The following SLC4A4 variants were observed in gnomAD, a reference collection of about 807,000 sequenced individuals.
SLC4A4 encodes the protein electrogenic sodium bicarbonate cotransporter 1.
Under a neutral mutation model 111.5 loss-of-function variants are expected in SLC4A4, and 27 were observed. The ratio of observed to expected loss-of-function variants is 0.24; its 90% CI spans 0.18 to 0.33. SLC4A4 has a LOEUF of 0.33. Among genes scored for constraint, SLC4A4 ranks in the 10% least tolerant of loss-of-function variants. The pLI is 1.00. For missense variants in SLC4A4, 909 were observed against 1,315.5 expected (o/e 0.69, Z 4.78); for synonymous variants, 443 against 463.4 (o/e 0.96, Z 0.57).
At chr4:71,382,306 C>G (rs1718228062) in intron 6 of SLC4A4, among the ~76,000 whole-genome samples, 1 of 152,034 alleles carries the variant, frequency 6.6e-6, no homozygotes, top group Admixed American at 6.6e-5. Context: ...TTCAAAGGAC[C>G]TTTGTACACT....
At chr4:71,481,040 A>G (rs576532698) in intron 14 of SLC4A4, among the ~76,000 whole-genome samples, 2 of 151,866 alleles carry the variant, frequency 1.3e-5, no homozygotes, top group South Asian at 2.1e-4. Flanking sequence ...AATTTTGCCT[A>G]CACTGTGTTA....
At chr4:71,185,292 T>C (rs182198064), upstream of SLC4A4, among the ~76,000 whole-genome samples, 18 of 152,354 alleles carry the variant, frequency 1.2e-4, no homozygotes, top group African/African-American at 4.1e-4. Context: ...CAATGGCAAA[T>C]TTTTAATACA....
chr4:71,567,505 G>T (rs1737592101), intron 25 of SLC4A4, among the ~76,000 whole-genome samples: 1 of 151,562 alleles, frequency 6.6e-6, no homozygotes, highest in Admixed American at 6.6e-5. Context: ...TTTAATTTCT[G>T]ACAGCATTAC....
chr4:71,289,823 G>A (rs1724195935), intron 3 of SLC4A4, among the ~76,000 whole-genome samples: 2 of 152,252 alleles, frequency 1.3e-5, no homozygotes, highest in South Asian at 4.1e-4. Context: ...GGACAAGGCG[G>A]AACTTCCATG....
At chr4:71,415,056 T>C (rs984531450) in intron 7 of SLC4A4, among the ~76,000 whole-genome samples, 13 of 152,240 alleles carry the variant, frequency 8.5e-5, no homozygotes, top group Admixed American at 6.5e-4. Flanking sequence ...GAACCACCCA[T>C]GCTCACCTCA....
intron 7 of SLC4A4, among the ~76,000 whole-genome samples, chr4:71,430,363 A>G (rs1723526332): frequency 6.6e-6 from 1 of 152,048 alleles, no homozygotes; most frequent in South Asian, 2.1e-4. Context: ...CCAAAGCAGA[A>G]TTTTCTAATC....
Position 71,451,197 on chromosome 4 carries a change from G to A in SLC4A4, c.1218G>A (p.Met406Ile), listed in dbSNP as rs765498323. Residue 406 changes from methionine (M) to isoleucine (I), a missense_variant, in exon 11 of 26, where the codon ATG becomes ATA. Around this residue, in one of 7 missense-constraint regions of SLC4A4, gnomAD observed 312 missense variants for 402.0 expected, o/e 0.78. Transcript: ENST00000264485. ...SLPSSDKRKN[M>I]YSGGENVQMN... ...CTGTTGTCTTGCTTAGAAAGAATAT[G>A]TACTCAGGTGGAGAGAATGTTCAGA... is the stretch of plus-strand genomic sequence containing the variant. 3 of 1,599,520 alleles carry A rather than the reference G, an allele frequency of 1.9e-6. No individual in the cohort carries two copies. Among genetic ancestry groups the A allele is most frequent in the East Asian group, 2.2e-5 (1 of 44,790 alleles).
intron 1 of SLC4A4, among the ~76,000 whole-genome samples, chr4:71,085,786 A>G (rs915558456): frequency 6.6e-6 from 1 of 152,078 alleles, no homozygotes; most frequent in Admixed American, 6.5e-5. Flanking sequence ...TACCAATACC[A>G]TGCTGTTTTG....
intron 1 of SLC4A4, among the ~76,000 whole-genome samples, chr4:71,089,815 G>T (rs1742322905): frequency 6.6e-6 from 1 of 151,888 alleles, no homozygotes; most frequent in Admixed American, 6.6e-5. Context: ...CTACTGGGGG[G>T]TGCTCCCAAT....
Position 71,393,309 on chromosome 4 carries a change from C to T in SLC4A4, c.731-4268C>T, listed in dbSNP as rs534858059. Among the ~76,000 whole-genome samples, 3 of 152,262 alleles carry T rather than the reference C, an allele frequency of 2.0e-5. No individual in the cohort carries two copies. In the East Asian group the frequency reaches 5.8e-4, roughly 29 times the overall value. ...AGCTCCTAGAACTAACAAAAGATTT[C>T]AGCAAATTTTCTGGATACAAGATTA... On this transcript the variant is annotated intron_variant, in intron 6 of 25. Transcript: ENST00000264485.
chr4:71,279,357 T>A (rs1723318953), intron 3 of SLC4A4, among the ~76,000 whole-genome samples: 1 of 152,208 alleles, frequency 6.6e-6, no homozygotes, highest in Non-Finnish European at 1.5e-5. Flanking sequence ...TCTTTGTGCC[T>A]GGCTTATTCC....
chr4:71,123,767 AT>A (rs1436671061), intron 2 of SLC4A4, among the ~76,000 whole-genome samples: 1 of 152,032 alleles, frequency 6.6e-6, no homozygotes, highest in Non-Finnish European at 1.5e-5. Flanking sequence ...GAGGACTTTT[AT>A]TTTTTTGCGC....
intron 23 of SLC4A4, among the ~76,000 whole-genome samples, chr4:71,561,696 T>C (rs975246973): frequency 2.0e-5 from 3 of 151,902 alleles, no homozygotes; most frequent in African/African-American, 7.2e-5. Flanking sequence ...AAAAAGAATG[T>C]GTTTAAACTA....
At chr4:71,489,237 A>G (rs1729685358) in intron 15 of SLC4A4, among the ~76,000 whole-genome samples, 1 of 151,752 alleles carries the variant, frequency 6.6e-6, no homozygotes. Flanking sequence ...CATACATATT[A>G]CAAGTACATG....
At chr4:71,392,795 A>G (rs1265214943) in intron 6 of SLC4A4, among the ~76,000 whole-genome samples, 3 of 152,146 alleles carry the variant, frequency 2.0e-5, no homozygotes, top group South Asian at 4.1e-4. Flanking sequence ...GTCCAACAAC[A>G]TATCAAAAAG....
intron 3 of SLC4A4, chr4:71,338,980 C>A: frequency 8.7e-7 from 1 of 1,149,420 alleles, no homozygotes; most frequent in Non-Finnish European, 1.2e-6. Context: ...TTGTCCCTCC[C>A]ACTGCTGTAT....
intron 16 of SLC4A4, among the ~76,000 whole-genome samples, chr4:71,515,124 T>C (rs1246381841): frequency 3.3e-5 from 5 of 152,078 alleles, no homozygotes; most frequent in African/African-American, 9.6e-5. Flanking sequence ...ACTGTAAACT[T>C]CCTTCTTCAT....
chr4:71,424,235 A>G (rs1722860527), intron 7 of SLC4A4, among the ~76,000 whole-genome samples: 1 of 152,142 alleles, frequency 6.6e-6, no homozygotes, highest in East Asian at 1.9e-4. Flanking sequence ...AAGACACATG[A>G]AAAAATGCTC....
chr4:71,064,810 C>T (rs548332948), intron 1 of SLC4A4, among the ~76,000 whole-genome samples: 14 of 152,284 alleles, frequency 9.2e-5, no homozygotes, highest in East Asian at 7.7e-4. Context: ...TTAAAATTTG[C>T]GCTGTGCCAC....
Sources: allele counts gnomAD v4.1 joint callset (sites outside exome capture counted in the v4.1 genomes callset), GRCh38; gene constraint gnomAD v4.1.1; regional missense constraint gnomAD v4.1.1; transcripts MANE v1.5; gene names NCBI Gene and HGNC (gene_info 2026-07-23, HGNC 2026-07-21).